FAF1: variants seen among roughly 807,000 people sequenced by gnomAD.
FAF1 encodes the protein Fas associated factor 1.
Under a neutral mutation model 92.5 loss-of-function variants are expected in FAF1, and 25 were observed. The observed-to-expected ratio is 0.27, with a 90% confidence interval of 0.20 to 0.38. FAF1 has a LOEUF of 0.38. FAF1 is among the 10% of genes least tolerant of loss of function. The pLI is 1.00. For synonymous variants in FAF1, 234 were observed against 273.2 expected (o/e 0.86, Z 1.42); for missense variants, 636 against 793.3 (o/e 0.80, Z 2.38).
At chr1:50,653,908 T>A (rs1654988273) in intron 8 of FAF1, among the ~76,000 whole-genome samples, 1 of 151,972 alleles carries the variant, frequency 6.6e-6, no homozygotes, top group Middle Eastern at 3.2e-3. Flanking sequence ...CCTCAGGTAA[T>A]CCACCGGCTT....
intron 1 of FAF1, among the ~76,000 whole-genome samples, chr1:50,858,342 C>T (rs1644406469): frequency 6.6e-6 from 1 of 151,718 alleles, no homozygotes; most frequent in South Asian, 2.1e-4. Flanking sequence ...GAATTTCAAC[C>T]CATACCATGC....
intron 2 of FAF1, among the ~76,000 whole-genome samples, chr1:50,835,215 C>G (rs943272072): frequency 3.3e-5 from 5 of 152,096 alleles, no homozygotes; most frequent in African/African-American, 1.2e-4. Flanking sequence ...AAAGATCACT[C>G]TGTCAACAGC....
chr1:50,446,389 G>C (rs567050869), intron 18 of FAF1, among the ~76,000 whole-genome samples: 1 of 152,310 alleles, frequency 6.6e-6, no homozygotes, highest in African/African-American at 2.4e-5. Context: ...TTTGAGTGCT[G>C]ACATGATGCT....
chr1:50,567,791 A>G (rs751960043), intron 12 of FAF1, among the ~76,000 whole-genome samples: 1 of 152,142 alleles, frequency 6.6e-6, no homozygotes, highest in Non-Finnish European at 1.5e-5. Flanking sequence ...GCCCTTATTT[A>G]TCAGCATGTG....
At position 50,625,168 on chromosome 1, in the gene FAF1, G is replaced by A. The variant is rs573235888; in HGVS notation, c.745-28952C>T. 1.2e-4 allele frequency among the ~76,000 whole-genome samples: 18 copies of A among 152,154 alleles called. No homozygotes were observed. In the East Asian group the frequency reaches 3.3e-3, roughly 28 times the overall value. ...ACCCACCTCAGCTTCCCAAAGTGCT[G>A]GGATTACAGGCGTGAGCCACCGCTC... is the stretch of plus-strand genomic sequence containing the variant. On this transcript the variant is annotated intron_variant, in intron 8 of 18. Transcript: ENST00000396153.
intron 18 of FAF1, among the ~76,000 whole-genome samples, chr1:50,452,913 T>C (rs76660036): frequency 3.3e-5 from 5 of 152,228 alleles, no homozygotes; most frequent in Admixed American, 6.5e-5. Context: ...CAACACCACA[T>C]GGTCTCTTAA....
At chr1:50,472,095 T>C (rs1481502507) in intron 18 of FAF1, among the ~76,000 whole-genome samples, 1 of 151,860 alleles carries the variant, frequency 6.6e-6, no homozygotes, top group Non-Finnish European at 1.5e-5. Context: ...GGGCCTATGT[T>C]TGGGCTACCG....
At chr1:50,683,137 A>T (rs540459056) in intron 7 of FAF1, among the ~76,000 whole-genome samples, 1 of 152,358 alleles carries the variant, frequency 6.6e-6, no homozygotes, top group South Asian at 2.1e-4. Context: ...GATGTTACAT[A>T]GGATGGTTAG....
intron 8 of FAF1, among the ~76,000 whole-genome samples, chr1:50,622,306 C>G (rs1010965242): frequency 6.6e-5 from 10 of 152,144 alleles, no homozygotes; most frequent in African/African-American, 2.4e-4. Context: ...CACCCCTTTC[C>G]CAAAAGCTAT....
At chr1:50,683,047 AG>A (rs545288249) in intron 7 of FAF1, among the ~76,000 whole-genome samples, 57 of 152,256 alleles carry the variant, frequency 3.7e-4, no homozygotes, top group African/African-American at 1.3e-3. Flanking sequence ...AAGAAGAAAA[AG>A]GAAATCTGAA....
Position 50,582,662 on chromosome 1 carries a change from A to C in FAF1, c.1069T>G (p.Leu357Val). The C allele has an allele frequency of 6.2e-7, 1 of 1,612,766 alleles. No homozygotes were observed. The highest frequency in any genetic ancestry group is 8.5e-7 in the Non-Finnish European group (1 of 1,178,888). ...AAGGCCTCTTGAAAAGCAGCTTCTA[A>C]TGAGCCAATAAAAAATACAGGATGG... ...DCHPVFFIGSLEAAFQEAFYV... is the reference protein window; with the variant it reads ...DCHPVFFIGSVEAAFQEAFYV... The change falls in exon 12 of 19, where the codon TTA becomes GTA. Residue 357 changes from leucine (L) to valine (V), a missense_variant. Transcript: ENST00000396153.
chr1:50,547,329 C>T (rs1432669699), intron 13 of FAF1, among the ~76,000 whole-genome samples: 1 of 152,138 alleles, frequency 6.6e-6, no homozygotes, highest in Non-Finnish European at 1.5e-5. Context: ...CCTAAAAAAG[C>T]ATATCTCATC....
intron 1 of FAF1, among the ~76,000 whole-genome samples, chr1:50,917,326 G>C (rs748237266): frequency 7.9e-5 from 12 of 152,082 alleles, no homozygotes; most frequent in Non-Finnish European, 1.5e-4. Context: ...CTGAAATCGA[G>C]AGAACTTAAA....
intron 13 of FAF1, among the ~76,000 whole-genome samples, chr1:50,543,418 C>T (rs1414788391): frequency 6.6e-6 from 1 of 152,074 alleles, no homozygotes; most frequent in Non-Finnish European, 1.5e-5. Context: ...TTTAAGGGTT[C>T]CTGATTACTA....
At chr1:50,457,893 T>G (rs1646375807) in intron 18 of FAF1, among the ~76,000 whole-genome samples, 2 of 143,888 alleles carry the variant, frequency 1.4e-5, no homozygotes, top group African/African-American at 2.6e-5. Flanking sequence ...AAGGTAAAAG[T>G]TTATTTGGGG....
At chr1:50,867,616 A>G (rs934718323) in intron 1 of FAF1, among the ~76,000 whole-genome samples, 5 of 152,226 alleles carry the variant, frequency 3.3e-5, no homozygotes, top group African/African-American at 1.2e-4. Flanking sequence ...AATGCATATC[A>G]AAACCACAAT....
chr1:50,640,323 C>T (rs371504022), intron 8 of FAF1, among the ~76,000 whole-genome samples: 5 of 149,534 alleles, frequency 3.3e-5, no homozygotes, highest in Admixed American at 2.0e-4. Context: ...GACAGAGTCT[C>T]GCTCTGTCGC....
chr1:50,928,640 G>A (rs945404983), intron 1 of FAF1, among the ~76,000 whole-genome samples: 9 of 149,698 alleles, frequency 6.0e-5, no homozygotes, highest in African/African-American at 1.7e-4. Flanking sequence ...AGTATCAGCC[G>A]AGCATGATGG....
chr1:50,450,413 T>C (rs1646281561), intron 18 of FAF1, among the ~76,000 whole-genome samples: 1 of 152,156 alleles, frequency 6.6e-6, no homozygotes, highest in Non-Finnish European at 1.5e-5. Flanking sequence ...GTACCCTGGT[T>C]TGTGAGCTTC....
Sources: allele counts gnomAD v4.1 joint callset (sites outside exome capture counted in the v4.1 genomes callset), GRCh38; gene constraint gnomAD v4.1.1; transcripts MANE v1.5; gene names NCBI Gene and HGNC (gene_info 2026-07-23, HGNC 2026-07-21).